Variants in CSMD1 observed in about 807,000 individuals in gnomAD.
CSMD1 encodes CUB and Sushi multiple domains 1, also known as CUB and sushi domain-containing protein 1.
A neutral mutation model predicts 417.5 loss-of-function variants in CSMD1; 213 were observed. The observed-to-expected ratio is 0.51, with a 90% CI of 0.46 to 0.57. CSMD1 has a LOEUF of 0.57. CSMD1 is among the 20% of genes least tolerant of loss of function. The probability of loss-of-function intolerance (pLI) is 0.00; values close to 1 mark genes in which losing one functional copy is unlikely to be tolerated. For missense variants in CSMD1, 6,923 were observed against 4,529.7 expected (o/e 1.53, Z -15.17); for synonymous variants, 2,862 against 1,736.8 (o/e 1.65, Z -16.11).
At chr8:4,571,745 T>C (rs958751341) in intron 2 of CSMD1, among the ~76,000 whole-genome samples, 1 of 152,176 alleles carries the variant, frequency 6.6e-6, no homozygotes, top group South Asian at 2.1e-4. Context: ...TCTCCCACTA[T>C]TATTGTGTGG....
intron 2 of CSMD1, among the ~76,000 whole-genome samples, chr8:4,440,980 C>G (rs146323971): frequency 0.031 from 4,568 of 145,322 alleles, 234 homozygotes; most frequent in African/African-American, 0.11. Context: ...CTAGATGACA[C>G]AGTGAGACTC....
At chr8:3,565,496 A>G (rs35581927) in intron 10 of CSMD1, among the ~76,000 whole-genome samples, 59,772 of 152,026 alleles carry the variant, frequency 0.39, 12,035 homozygotes, top group Middle Eastern at 0.49. Context: ...TATTCCAATC[A>G]CATTTCAAAA....
In CSMD1 at chr8:3,226,093, G is replaced by A. The variant is rs181686920; in HGVS notation, c.4346-2226C>T. On this transcript the variant is annotated intron_variant, in intron 27 of 69. Coordinates refer to ENST00000635120, the MANE Select transcript of CSMD1 (RefSeq NM_033225.6). ...CGTTTCTGCATTAAAACATTTGAAT[G>A]TTCACACCGTTGGGGGCGATAAATA... Among the ~76,000 whole-genome samples the A allele has an allele frequency of 1.6e-3, 239 of 152,268 alleles. 1 individual carries two copies. Among genetic ancestry groups the A allele is most frequent in the Middle Eastern group, 6.8e-3 (2 of 294 alleles).
Position 4,031,937 on chromosome 8 carries a change from G to T in CSMD1, c.578C>A (p.Ala193Glu), listed in dbSNP as rs754463321. 5.0e-6 allele frequency: 8 copies of T among 1,613,856 alleles called. No homozygotes were observed. Among genetic ancestry groups the T allele is most frequent in the South Asian group, 2.2e-5 (2 of 91,068 alleles). Residue 193 changes from alanine (A) to glutamate (E), a missense_variant, in exon 4 of 70, where the codon GCA (alanine) becomes GAA (glutamate). Coordinates refer to ENST00000635120, the MANE Select transcript of CSMD1 (RefSeq NM_033225.6). ...AAAGGGAGCTGGGAAGTCCCACGAT[G>T]CACCATTTCCTGGGCTGACGATGCA... ...LTCIVSPGNG[A>E]SWDFPAPFCR...
chr8:3,318,589 C>T (rs767773739), intron 23 of CSMD1, among the ~76,000 whole-genome samples: 10 of 152,194 alleles, frequency 6.6e-5, no homozygotes, highest in South Asian at 2.1e-4. Context: ...CAGTATCTTT[C>T]GTGACACAAT....
intron 1 of CSMD1, among the ~76,000 whole-genome samples, chr8:4,734,350 G>C (rs1282281675): frequency 1.3e-5 from 2 of 151,956 alleles, no homozygotes; most frequent in Non-Finnish European, 1.5e-5. Flanking sequence ...TTATTATATA[G>C]TTATTTAGAG....
intron 18 of CSMD1, among the ~76,000 whole-genome samples, chr8:3,383,483 C>A (rs1300813377): frequency 6.6e-6 from 1 of 151,948 alleles, no homozygotes; most frequent in Non-Finnish European, 1.5e-5. Context: ...GGAGGGAAGC[C>A]TTCTTCCACA....
intron 5 of CSMD1, among the ~76,000 whole-genome samples, chr8:3,784,411 A>G (rs1799336293): frequency 6.6e-6 from 1 of 152,214 alleles, no homozygotes; most frequent in Admixed American, 6.5e-5. Context: ...AACTGCTGTT[A>G]GTATTATGCT....
intron 5 of CSMD1, among the ~76,000 whole-genome samples, chr8:3,937,270 C>G (rs180970794): frequency 4.1e-5 from 6 of 144,884 alleles, no homozygotes; most frequent in Non-Finnish European, 2.9e-5. Flanking sequence ...TTAGAGAAGA[C>G]TGACTGAATT....
chr8:4,337,509 T>A (rs909847113), intron 3 of CSMD1, among the ~76,000 whole-genome samples: 1 of 152,114 alleles, frequency 6.6e-6, no homozygotes. Context: ...CTAAGGATAA[T>A]TAATACTCAG....
intron 7 of CSMD1, among the ~76,000 whole-genome samples, chr8:3,707,775 C>T: frequency 6.6e-6 from 1 of 152,156 alleles, no homozygotes; most frequent in East Asian, 1.9e-4. Flanking sequence ...GCACCATGAC[C>T]CAGTCCAGGC....
intron 3 of CSMD1, among the ~76,000 whole-genome samples, chr8:4,144,481 G>A (rs996466941): frequency 6.6e-6 from 1 of 151,088 alleles, no homozygotes; most frequent in African/African-American, 2.5e-5. Context: ...TTCTGCAAAT[G>A]GATATCCGCT....
At chr8:3,337,042 G>T (rs961707531) in intron 23 of CSMD1, among the ~76,000 whole-genome samples, 1 of 152,106 alleles carries the variant, frequency 6.6e-6, no homozygotes, top group African/African-American at 2.4e-5. Flanking sequence ...TTTCTGGGGA[G>T]GCTGGAGCTG....
intron 50 of CSMD1, among the ~76,000 whole-genome samples, chr8:3,030,887 T>A (rs1810300544): frequency 6.6e-6 from 1 of 152,008 alleles, no homozygotes; most frequent in East Asian, 1.9e-4. Flanking sequence ...AAGTACTATA[T>A]AAAAATATAC....
intron 5 of CSMD1, among the ~76,000 whole-genome samples, chr8:3,856,194 G>T (rs1011145209): frequency 3.3e-5 from 5 of 151,964 alleles, no homozygotes; most frequent in African/African-American, 1.2e-4. Flanking sequence ...TCCCAGTGCT[G>T]TTCTCATGAT....
At chr8:3,417,449 C>A (rs575877942) in intron 12 of CSMD1, among the ~76,000 whole-genome samples, 16 of 152,296 alleles carry the variant, frequency 1.1e-4, no homozygotes, top group African/African-American at 3.8e-4. Context: ...CGTATGAAAG[C>A]AATGTTGTCT....
chr8:3,553,936 G>C (rs1336400853), intron 10 of CSMD1, among the ~76,000 whole-genome samples: 1 of 152,080 alleles, frequency 6.6e-6, no homozygotes, highest in Non-Finnish European at 1.5e-5. Flanking sequence ...TACGTAATGG[G>C]GCAAAACAGA....
intron 3 of CSMD1, among the ~76,000 whole-genome samples, chr8:4,122,139 A>G (rs1802520116): frequency 6.6e-6 from 1 of 152,158 alleles, no homozygotes; most frequent in African/African-American, 2.4e-5. Flanking sequence ...TTACTACATA[A>G]TGTCGCTAAG....
chr8:3,782,335 G>A (rs1347020264), intron 5 of CSMD1, among the ~76,000 whole-genome samples: 2 of 152,158 alleles, frequency 1.3e-5, no homozygotes, highest in East Asian at 1.9e-4. Context: ...GGCCCTATAG[G>A]AAAATGTTCA....
Sources: gnomAD v4.1 joint callset for allele counts (sites outside exome capture counted in the v4.1 genomes callset) on GRCh38, gnomAD v4.1.1 for gene constraint, MANE v1.5 for transcripts, NCBI Gene and HGNC (gene_info 2026-07-23, HGNC 2026-07-21) for gene names.